Variants in HROB observed in about 807,000 individuals in gnomAD.
HROB encodes the protein homologous recombination factor with OB-fold, also known as homologous recombination OB-fold protein.
HROB carries 44 observed loss-of-function variants against 61.0 expected under a neutral mutation model. The observed-to-expected ratio is 0.72, with a 90% CI of 0.57 to 0.93. The LOEUF is 0.93. HROB is among the 40% of genes least tolerant of loss of function. The pLI is 0.00. For synonymous variants in HROB, 301 were observed against 310.4 expected, an observed-to-expected ratio of 0.97 and a Z score of 0.32; for missense variants, 716 against 796.2, an observed-to-expected ratio of 0.90 and a Z score of 1.21.
chr17:44,143,402 G>A (rs2053516835), intron 1 of HROB, among the ~76,000 whole-genome samples: 1 of 152,118 alleles, frequency 6.6e-6, no homozygotes, highest in African/African-American at 2.4e-5. Context: ...CCAGCACTTT[G>A]GGAGGCTGAG....
Position 44,148,462 on chromosome 17 carries a change from CG to C in HROB, c.662del (p.Gly221ValfsTer10), listed in dbSNP as rs1567714455. 2 of 1,614,072 alleles carry C rather than the reference CG, an allele frequency of 1.2e-6. No homozygotes were observed. The highest frequency in any genetic ancestry group is 1.1e-5 in the South Asian group (1 of 91,076). On this transcript the variant is annotated frameshift_variant, in exon 3 of 10. Coordinates refer to ENST00000585683, the MANE Select transcript of HROB (RefSeq NM_001171251.3). LOFTEE classifies it high-confidence loss of function. ...QKGPVPAIHK[A>X]GIMSAQDESL... ...GGGCCTGTGCCTGCCATCCACAAAG[CG>C]GGTATCATGTCCGCCCAGGATGAGT...
At chr17:44,145,008 G>T (rs1158039090) in intron 1 of HROB, among the ~76,000 whole-genome samples, 195 bp from the exon 2 acceptor site, 1 of 152,062 alleles carries the variant, frequency 6.6e-6, no homozygotes, top group Non-Finnish European at 1.5e-5. Context: ...GAGTCACCAC[G>T]CCCGGCCCTA....
In HROB at chr17:44,148,366, C is replaced by T. The variant is rs780756285; in HGVS notation, c.563C>T (p.Ala188Val). Reference sequence around the variant, plus strand: ...AGTGAGGCCATACCAATCCTGCCTGCCCAGCAGCGGGAGGGTTCAGTATTG... The same window carrying T: ...AGTGAGGCCATACCAATCCTGCCTGTCCAGCAGCGGGAGGGTTCAGTATTG... Reference protein sequence around the residue: ...VSSEAIPILPAQQREGSVLAK... With the variant: ...VSSEAIPILPVQQREGSVLAK... The change falls in exon 3 of 10, where the codon GCC becomes GTC. Residue 188 changes from alanine (A) to valine (V), a missense_variant. By Grantham distance (64) the Ala-to-Val change is moderately conservative. Coordinates refer to ENST00000585683, the MANE Select transcript of HROB (RefSeq NM_001171251.3). 1.9e-6 allele frequency: 3 copies of T among 1,613,984 alleles called. No individual in the cohort carries two copies. The highest frequency in any genetic ancestry group is 2.5e-6 in the Non-Finnish European group (3 of 1,180,000).
Position 44,162,371 on chromosome 17 carries a change from C to T in HROB, c.*439C>T, listed in dbSNP as rs1166853597. On this transcript the variant is annotated 3_prime_UTR_variant, in exon 10 of 10. Transcript: ENST00000585683. ...CACGCTCAGGCTTCCTCTGCTTTGT[C>T]TCTTCAGACCTGTGGTTGCTCTGCT... The T allele has an allele frequency of 5.8e-6, 1 of 172,882 alleles. No individual in the cohort carries two copies. The highest frequency in any genetic ancestry group is 1.7e-4 in the East Asian group (1 of 5,822). 10.7% of individuals were successfully genotyped at this position (172,882 alleles called of 1,614,324 possible). A position where few individuals can be genotyped will look rare whatever the true frequency, so the allele number is the denominator to read the frequency against.
At chr17:44,151,099 C>A in intron 4 of HROB, 55 bp downstream of exon 4, 1 of 1,505,658 alleles carries the variant, frequency 6.6e-7, no homozygotes, top group Admixed American at 1.7e-5. Flanking sequence ...AGGGGCGTCC[C>A]TGTGTGTTTC....
intron 2 of HROB, among the ~76,000 whole-genome samples, 195 bp downstream of exon 2, chr17:44,145,448 A>G (rs867401444): frequency 1.3e-5 from 2 of 152,352 alleles, no homozygotes; most frequent in South Asian, 2.1e-4. Context: ...AACCAGAGCA[A>G]TGAATTGCCT....
intron 4 of HROB, 82 bp downstream of exon 4, chr17:44,151,126 G>C (rs777158021): frequency 1.5e-6 from 2 of 1,377,814 alleles, no homozygotes; most frequent in Non-Finnish European, 2.0e-6. Context: ...TAAGAATCAA[G>C]AGCTGATGCT....
chr17:44,147,061 GAGAA>G (rs1390821020), intron 2 of HROB, among the ~76,000 whole-genome samples: 1 of 151,964 alleles, frequency 6.6e-6, no homozygotes, highest in Non-Finnish European at 1.5e-5. Context: ...GAGAGAGAGA[GAGAA>G]AGAGAGCACA....
intron 2 of HROB, among the ~76,000 whole-genome samples, chr17:44,146,609 A>T (rs2053617509): frequency 6.6e-6 from 1 of 152,286 alleles, no homozygotes; most frequent in Middle Eastern, 3.4e-3. Flanking sequence ...AGATGATGTC[A>T]TGTCTGAGAG....
chr17:44,142,689 A>G (rs922689298), intron 1 of HROB, among the ~76,000 whole-genome samples: 104 of 152,132 alleles, frequency 6.8e-4, no homozygotes, highest in African/African-American at 2.2e-3. Flanking sequence ...AACTGGCTAC[A>G]GCAGCCCTGC....
intron 1 of HROB, 133 bp downstream of exon 1, chr17:44,142,278 G>A: frequency 8.4e-7 from 1 of 1,184,232 alleles, no homozygotes; most frequent in Non-Finnish European, 1.1e-6. Context: ...GCGGAGTCGG[G>A]AGACCTGGGC....
chr17:44,152,356 AAG>A (rs1491575092), intron 4 of HROB, among the ~76,000 whole-genome samples: 1 of 152,130 alleles, frequency 6.6e-6, no homozygotes, highest in Non-Finnish European at 1.5e-5. Flanking sequence ...AAGAAAAAAA[AAG>A]AGTATCTGCT....
rs1012990450 is a variant in HROB, at chr17:44,141,954, C to T, written c.-189C>T. 25 of 750,540 alleles carry T rather than the reference C, an allele frequency of 3.3e-5. No individual in the cohort carries two copies. The highest frequency in any genetic ancestry group is 4.9e-5 in the Non-Finnish European group (24 of 492,424). 46.5% of individuals were successfully genotyped at this position (750,540 alleles called of 1,614,324 possible). A position where few individuals can be genotyped will look rare whatever the true frequency, so the allele number is the denominator to read the frequency against. Reference sequence around the variant, plus strand: ...CAGTGGCGGCGTCTTCGAATGCGGCCTAAGGCGCCTGCCGCCAGTCTCCTG... The same window carrying T: ...CAGTGGCGGCGTCTTCGAATGCGGCTTAAGGCGCCTGCCGCCAGTCTCCTG... On this transcript the variant is annotated 5_prime_UTR_variant, in exon 1 of 10. Transcript: ENST00000585683.
intron 9 of HROB, among the ~76,000 whole-genome samples, 173 bp downstream of exon 9, chr17:44,158,114 C>G: frequency 6.6e-6 from 1 of 152,302 alleles, no homozygotes; most frequent in South Asian, 2.1e-4. Context: ...GCCACAAACT[C>G]GTTAACAGTG....
chr17:44,142,029 AG>A lies in HROB; in HGVS notation c.-113del, dbSNP rs1284305096. On this transcript the variant is annotated 5_prime_UTR_variant, in exon 1 of 10. Transcript: ENST00000585683. Reference sequence around the variant, plus strand: ...CTCATCCCTCTGACCCCAGCCCGGAAGCACTGTCCCTCGGAGTCCGAGACTT... The same window carrying A: ...CTCATCCCTCTGACCCCAGCCCGGAACACTGTCCCTCGGAGTCCGAGACTT... 9.3e-6 allele frequency: 13 copies of A among 1,393,024 alleles called. No individual in the cohort carries two copies. The highest frequency in any genetic ancestry group is 1.3e-5 in the Non-Finnish European group (13 of 1,030,432). 86.3% of individuals were successfully genotyped at this position (1,393,024 alleles called of 1,614,324 possible). A position where few individuals can be genotyped will look rare whatever the true frequency, so the allele number is the denominator to read the frequency against.
At chr17:44,154,488 C>A in intron 5 of HROB, 68 bp from the exon 6 acceptor site, 1 of 1,527,602 alleles carries the variant, frequency 6.5e-7, no homozygotes, top group Non-Finnish European at 9.1e-7. Flanking sequence ...TGCCCTGGCA[C>A]ACTTGGAGAC....
chr17:44,145,396 T>TG (rs2053582775), intron 2 of HROB, 143 bp downstream of exon 2: 1 of 948,240 alleles, frequency 1.1e-6, no homozygotes, highest in Admixed American at 2.6e-5. Flanking sequence ...TGAGAAGTGA[T>TG]GAGAAGTGTA....
chr17:44,147,403 A>G (rs1255623675), intron 2 of HROB, among the ~76,000 whole-genome samples: 1 of 147,508 alleles, frequency 6.8e-6, no homozygotes, highest in Non-Finnish European at 1.5e-5. Flanking sequence ...ATTGGCTTTC[A>G]TGCTTTGGTT....
chr17:44,150,389 TTTC>T (rs1323671350), intron 3 of HROB, among the ~76,000 whole-genome samples: 1 of 119,362 alleles, frequency 8.4e-6, no homozygotes, highest in Non-Finnish European at 1.6e-5. Context: ...TCTTTCTTTC[TTTC>T]TTTTTTTTTT....
Sources: gnomAD v4.1 joint callset for allele counts (sites outside exome capture counted in the v4.1 genomes callset) on GRCh38, gnomAD v4.1.1 for gene constraint, MANE v1.5 for transcripts, NCBI Gene and HGNC (gene_info 2026-07-23, HGNC 2026-07-21) for gene names.